CNOT1: variants seen among roughly 807,000 people sequenced by gnomAD.
CNOT1 encodes the protein CCR4-associated factor 1.
In CNOT1, 15 loss-of-function variants were observed where a neutral mutation model predicts 273.8. That is an observed-to-expected ratio of 0.05 (90% CI 0.04 to 0.08). CNOT1 has a LOEUF of 0.08. CNOT1 is among the 10% of genes least tolerant of loss of function. CNOT1 has a pLI of 1.00. For synonymous variants in CNOT1, 1,022 were observed against 1,005.5 expected (o/e 1.02, Z -0.31); for missense variants, 1,644 against 2,912.2 (o/e 0.56, Z 10.02).
chr16:58,595,518 A>AT (rs1400284975), intron 2 of CNOT1, among the ~76,000 whole-genome samples: 1 of 152,142 alleles, frequency 6.6e-6, no homozygotes, highest in Non-Finnish European at 1.5e-5. Flanking sequence ...AGAGGGAAAG[A>AT]TTAAGATATA....
intron 1 of CNOT1, among the ~76,000 whole-genome samples, chr16:58,609,815 G>A (rs552931124): frequency 2.0e-5 from 3 of 151,254 alleles, no homozygotes; most frequent in African/African-American, 7.3e-5. Context: ...TATCATGAAG[G>A]AATATCCTTC....
intron 14 of CNOT1, among the ~76,000 whole-genome samples, chr16:58,576,088 T>C (rs911482317): frequency 3.3e-5 from 5 of 152,028 alleles, no homozygotes; most frequent in African/African-American, 1.2e-4. Context: ...GCATCTTTGT[T>C]ACATAAGCAT....
intron 1 of CNOT1, among the ~76,000 whole-genome samples, chr16:58,621,910 CAAAAAAAAAAAAAAAAAA>C (rs58087048): frequency 1.2e-5 from 1 of 85,350 alleles, no homozygotes; most frequent in Non-Finnish European, 2.2e-5. Context: ...GACTCCGTCT[CAAAAAAAAAAAAAAAAAA>C]AAAAAAGAAG....
intron 1 of CNOT1, among the ~76,000 whole-genome samples, chr16:58,621,420 C>T (rs896742692): frequency 2.0e-5 from 3 of 151,864 alleles, no homozygotes; most frequent in South Asian, 2.1e-4. Context: ...ATTACAGGCA[C>T]GCGCCACCAC....
rs1231961265 is a variant in CNOT1 at position 58,614,545 on chromosome 16, T to A, written c.-174-15034A>T. Among the ~76,000 whole-genome samples, 4 of 124,292 alleles carry A rather than the reference T, an allele frequency of 3.2e-5. 2 individuals are homozygous for A. Among genetic ancestry groups the A allele is most frequent in the African/African-American group, 1.1e-4 (4 of 36,790 alleles). 81.5% of individuals were successfully genotyped at this position (124,292 alleles called of 152,430 possible). A position where few individuals can be genotyped will look rare whatever the true frequency, so the allele number is the denominator to read the frequency against. On this transcript the variant is annotated intron_variant, in intron 1 of 48. Coordinates refer to ENST00000317147, the MANE Select transcript of CNOT1 (RefSeq NM_016284.5). ...CTTCCCTGCTAGGCAACATTTCACA[T>A]ACACGTGCTGTCGCAACTCCATGCT...
chr16:58,572,640 C>T (rs959727707), intron 16 of CNOT1, among the ~76,000 whole-genome samples: 1 of 151,668 alleles, frequency 6.6e-6, no homozygotes, highest in African/African-American at 2.4e-5. Flanking sequence ...GGCGTGGTGG[C>T]TCATGCCTGT....
intron 1 of CNOT1, among the ~76,000 whole-genome samples, chr16:58,625,475 G>A (rs1372270515): frequency 6.6e-6 from 1 of 151,816 alleles, no homozygotes; most frequent in Non-Finnish European, 1.5e-5. Flanking sequence ...TCACACTATT[G>A]CACTCCAGCC....
At chr16:58,535,893 C>G (rs549847656) in intron 39 of CNOT1, among the ~76,000 whole-genome samples, 27 of 152,074 alleles carry the variant, frequency 1.8e-4, no homozygotes, top group African/African-American at 5.8e-4. Flanking sequence ...GCCACCACAC[C>G]CGGCTAATTT....
intron 1 of CNOT1, among the ~76,000 whole-genome samples, chr16:58,622,158 T>TA (rs1025693807): frequency 2.0e-5 from 3 of 149,992 alleles, no homozygotes; most frequent in African/African-American, 7.4e-5. Context: ...TAAAAAACTA[T>TA]AAAAAATTAG....
intron 1 of CNOT1, among the ~76,000 whole-genome samples, chr16:58,611,822 A>T (rs1597597852): frequency 9.5e-5 from 1 of 10,562 alleles, no homozygotes; most frequent in Non-Finnish European, 2.1e-4. Context: ...CTCTGTCTCA[A>T]AAAAAAAAAA....
At chr16:58,562,959 G>A (rs1302340803) in intron 16 of CNOT1, among the ~76,000 whole-genome samples, 1 of 152,062 alleles carries the variant, frequency 6.6e-6, no homozygotes, top group African/African-American at 2.4e-5. Flanking sequence ...CATTTGGGGG[G>A]AAAAAATAAG....
In CNOT1 at chr16:58,610,337, G is replaced by A. The variant is rs1290558426; in HGVS notation, c.-174-10826C>T. On this transcript the variant is annotated intron_variant, in intron 1 of 48. Coordinates refer to ENST00000317147, the MANE Select transcript of CNOT1 (RefSeq NM_016284.5). Reference sequence around the variant, plus strand: ...AGAGAATCGCTTAAACGCAGGAGGTGGAGGGTTGCAGTGAGCTGAGATCAC... The same window carrying A: ...AGAGAATCGCTTAAACGCAGGAGGTAGAGGGTTGCAGTGAGCTGAGATCAC... Among the ~76,000 whole-genome samples the A allele has an allele frequency of 2.6e-5, 4 of 152,278 alleles. No individual in the cohort carries two copies. The East Asian group carries it at 7.7e-4, about 29-fold the overall frequency.
chr16:58,598,397 CAAA>C (rs869048108), intron 2 of CNOT1, among the ~76,000 whole-genome samples: 168 of 86,418 alleles, frequency 1.9e-3, no homozygotes, highest in Non-Finnish European at 2.5e-3. Context: ...GACTCCATCT[CAAA>C]AAAAAAAAAA....
intron 42 of CNOT1, chr16:58,530,816 T>G (rs369523031): frequency 1.3e-5 from 2 of 150,206 alleles, no homozygotes. Flanking sequence ...GAAAAAAGAC[T>G]GGCATTAAAA....
chr16:58,617,981 G>A lies in CNOT1; in HGVS notation c.-175+11747C>T, dbSNP rs567162476. On this transcript the variant is annotated intron_variant, in intron 1 of 48. Coordinates refer to ENST00000317147, the MANE Select transcript of CNOT1 (RefSeq NM_016284.5). ...TCACAGCACTACTGCACTAGAGCGTGGGTAACAGAGCAAGACCCTGCCTCT... is the reference window on the plus strand; with the variant it reads ...TCACAGCACTACTGCACTAGAGCGTAGGTAACAGAGCAAGACCCTGCCTCT... Among the ~76,000 whole-genome samples the A allele has an allele frequency of 2.2e-4, 33 of 152,182 alleles. 1 individual carries two copies. The highest frequency in any genetic ancestry group is 1.8e-3 in the Admixed American group (28 of 15,266).
At chr16:58,621,501 G>A (rs1029898618) in intron 1 of CNOT1, among the ~76,000 whole-genome samples, 1 of 150,802 alleles carries the variant, frequency 6.6e-6, no homozygotes, top group African/African-American at 2.4e-5. Flanking sequence ...TCAAACTCCC[G>A]ACCTCAGGTG....
At position 58,599,371 on chromosome 16, in the gene CNOT1, G is replaced by A. The variant is rs369957018; in HGVS notation, c.-34C>T. Reference sequence around the variant, plus strand: ...GGGGCGGAAGCAGGCGGCCGAGCCCGGCGCAAAATCACCATTATTCCCCTT... The same window carrying A: ...GGGGCGGAAGCAGGCGGCCGAGCCCAGCGCAAAATCACCATTATTCCCCTT... On this transcript the variant is annotated 5_prime_UTR_variant, in exon 2 of 49. Transcript: ENST00000317147. 57 of 1,613,596 alleles carry A rather than the reference G, an allele frequency of 3.5e-5. No homozygotes were observed. Among genetic ancestry groups the A allele is most frequent in the Non-Finnish European group, 4.5e-5 (53 of 1,179,888 alleles).
chr16:58,550,815 C>T lies in CNOT1; in HGVS notation c.3342+317G>A, dbSNP rs372102212. ...TCTTTATGCTTTTCACAAAGTTTGCCTCAGTTATTAGGTTGTAATAAATAC... is the reference window on the plus strand; with the variant it reads ...TCTTTATGCTTTTCACAAAGTTTGCTTCAGTTATTAGGTTGTAATAAATAC... On this transcript the variant is annotated intron_variant, in intron 24 of 48. Transcript: ENST00000317147. 8.0e-5 allele frequency among the ~76,000 whole-genome samples: 12 copies of T among 150,236 alleles called. No homozygotes were observed. In the South Asian group the frequency reaches 1.1e-3, roughly 13 times the overall value.
At chr16:58,608,929 G>GT (rs1244175323) in intron 1 of CNOT1, among the ~76,000 whole-genome samples, 3 of 152,162 alleles carry the variant, frequency 2.0e-5, no homozygotes, top group African/African-American at 7.2e-5. Flanking sequence ...ATGCAAAGGC[G>GT]TAAGAATGAC....
Sources: gnomAD v4.1 joint callset for allele counts (sites outside exome capture counted in the v4.1 genomes callset) on GRCh38, gnomAD v4.1.1 for gene constraint, MANE v1.5 for transcripts, NCBI Gene and HGNC (gene_info 2026-07-23, HGNC 2026-07-21) for gene names.